The following MRPL32 variants were observed in gnomAD, a reference collection of about 807,000 sequenced individuals.
The protein encoded by MRPL32 is mitochondrial ribosomal protein L32.
In MRPL32, 14 loss-of-function variants were observed where a neutral mutation model predicts 21.7. That is an observed-to-expected ratio of 0.64 (90% CI 0.43 to 1.01). The LOEUF is 1.01. Among genes scored for constraint, MRPL32 ranks in the 50% least tolerant of loss-of-function variants. The pLI is 0.00. For synonymous variants in MRPL32, 83 were observed against 87.7 expected (o/e 0.95, Z 0.30); for missense variants, 211 against 235.9 (o/e 0.89, Z 0.69).
intron 1 of MRPL32, among the ~76,000 whole-genome samples, chr7:42,933,248 G>A (rs991342194): frequency 2.0e-5 from 3 of 152,128 alleles, no homozygotes; most frequent in African/African-American, 4.8e-5. Context: ...AGCTTTCTCA[G>A]GCAGGCACTT....
At chr7:42,933,124 A>G (rs1040403886) in intron 1 of MRPL32, among the ~76,000 whole-genome samples, 1 of 152,170 alleles carries the variant, frequency 6.6e-6, no homozygotes, top group African/African-American at 2.4e-5. Context: ...GTTAGTTGCA[A>G]GGGATACGTA....
rs1431958169 is a variant in MRPL32, at chr7:42,937,836, A to G, written c.*260A>G. 3 of 293,158 alleles carry G rather than the reference A, an allele frequency of 1.0e-5. No homozygotes were observed. Among genetic ancestry groups the G allele is most frequent in the African/African-American group, 6.5e-5 (3 of 46,148 alleles). 18.2% of individuals were successfully genotyped at this position (293,158 alleles called of 1,614,324 possible). A position where few individuals can be genotyped will look rare whatever the true frequency, so the allele number is the denominator to read the frequency against. ...TAAAATTTCCAGAACAAAAATAAAA[A>G]ATTTAAAATTCATAGCAAAAATTCT... is the stretch of plus-strand genomic sequence containing the variant. On this transcript the variant is annotated 3_prime_UTR_variant, in exon 3 of 3. Transcript: ENST00000223324.
At chr7:42,936,570 T>C (rs892273044) in intron 2 of MRPL32, 4 of 152,088 alleles carry the variant, frequency 2.6e-5, no homozygotes, top group African/African-American at 9.6e-5. Flanking sequence ...CTGTTTAGTA[T>C]TTTTCTTTGT....
intron 1 of MRPL32, 117 bp from the exon 2 acceptor site, chr7:42,934,837 AT>A: frequency 1.6e-6 from 1 of 634,302 alleles, no homozygotes; most frequent in South Asian, 4.6e-5. Flanking sequence ...TCTAAATTTT[AT>A]ATATAGTTTT....
intron 1 of MRPL32, among the ~76,000 whole-genome samples, chr7:42,933,037 G>A (rs998317830): frequency 6.6e-6 from 1 of 152,154 alleles, no homozygotes; most frequent in African/African-American, 2.4e-5. Flanking sequence ...CAGAGACTGG[G>A]AGACAAAGGC....
chr7:42,936,703 T>TATAC (rs1252981765), intron 2 of MRPL32: 5 of 150,054 alleles, frequency 3.3e-5, no homozygotes, highest in South Asian at 2.1e-4. Flanking sequence ...TATATATATA[T>TATAC]ACACACACAT....
intron 1 of MRPL32, among the ~76,000 whole-genome samples, chr7:42,933,480 T>TCTTCC (rs1194005636): frequency 7.1e-6 from 1 of 140,412 alleles, no homozygotes; most frequent in Non-Finnish European, 1.5e-5. Flanking sequence ...CCCCCTCTCC[T>TCTTCC]CTTCCCTTCC....
Position 42,935,148 on chromosome 7 carries a change from A to T in MRPL32, c.312+12A>T, listed in dbSNP as rs755119679. 3 of 1,603,068 alleles carry T rather than the reference A, an allele frequency of 1.9e-6. No homozygotes were observed. The highest frequency in any genetic ancestry group is 3.5e-5 in the Admixed American group (2 of 57,956). ...TTATTAAAGTTAAGGTAATGCATTG[A>T]TTTTTGTGGGTGTGCTTTTCCTCAA... On this transcript the variant is annotated intron_variant, in intron 2 of 2. Coordinates refer to ENST00000223324, the MANE Select transcript of MRPL32 (RefSeq NM_031903.3).
Position 42,932,531 on chromosome 7 carries a change from G to C in MRPL32, c.130+15G>C, listed in dbSNP as rs1278892811. On this transcript the variant is annotated intron_variant, in intron 1 of 2. Coordinates refer to ENST00000223324, the MANE Select transcript of MRPL32 (RefSeq NM_031903.3). Reference sequence around the variant, plus strand: ...TCCTCCGTGGGGTAGGTAAAGAAGGGCTCCGTGGGAGAGGGGGCTGATGAC... The same window carrying C: ...TCCTCCGTGGGGTAGGTAAAGAAGGCCTCCGTGGGAGAGGGGGCTGATGAC... 4.4e-6 allele frequency: 7 copies of C among 1,588,308 alleles called. No homozygotes were observed. Among genetic ancestry groups the C allele is most frequent in the South Asian group, 2.2e-5 (2 of 89,918 alleles).
chr7:42,934,855 T>G, intron 1 of MRPL32, 100 bp from the exon 2 acceptor site: 1 of 788,330 alleles, frequency 1.3e-6, no homozygotes, highest in South Asian at 2.9e-5. Flanking sequence ...TTTTTGTGTG[T>G]GTGTATGTTT....
At chr7:42,932,919 G>A (rs1300661971) in intron 1 of MRPL32, among the ~76,000 whole-genome samples, 1 of 152,040 alleles carries the variant, frequency 6.6e-6, no homozygotes, top group Non-Finnish European at 1.5e-5. Flanking sequence ...GGGAGTGTAG[G>A]GGCTCTGTAG....
chr7:42,937,202 A>T (rs1456321667), intron 2 of MRPL32, 120 bp from the exon 3 acceptor site: 2 of 1,586,930 alleles, frequency 1.3e-6, no homozygotes, highest in African/African-American at 2.7e-5. Flanking sequence ...ATGGTGTATG[A>T]TGACCTCATG....
At chr7:42,935,341 A>G in intron 2 of MRPL32, 1 of 426,766 alleles carries the variant, frequency 2.3e-6, no homozygotes, top group Non-Finnish European at 4.1e-6. Context: ...TTAGAAACAC[A>G]GTCAAGGAAG....
rs777497735 is a variant in MRPL32 at position 42,932,406 on chromosome 7, T to C, written c.20T>C (p.Val7Ala). Residue 7 changes from valine (V) to alanine (A), a missense_variant, in exon 1 of 3, where the codon GTC becomes GCC. By Grantham distance (64) the Val-to-Ala change is moderately conservative. Coordinates refer to ENST00000223324, the MANE Select transcript of MRPL32 (RefSeq NM_031903.3). The part of the protein sequence containing the change: MALAML[V>A]LVVSPWSAAR... ...GGGAAAATGGCGCTGGCCATGCTGG[T>C]CTTGGTGGTTTCGCCGTGGTCTGCG... The C allele has an allele frequency of 3.7e-6, 6 of 1,611,238 alleles. No individual in the cohort carries two copies. Among genetic ancestry groups the C allele is most frequent in the Non-Finnish European group, 5.1e-6 (6 of 1,178,280 alleles).
In MRPL32 at chr7:42,937,506, C is replaced by G. The variant is rs773343059; in HGVS notation, c.497C>G (p.Ser166Cys). 3 of 1,614,078 alleles carry G rather than the reference C, an allele frequency of 1.9e-6. No homozygotes were observed. Among genetic ancestry groups the G allele is most frequent in the South Asian group, 2.2e-5 (2 of 91,084 alleles). Residue 166 changes from serine to cysteine, a missense_variant, in exon 3 of 3, where the codon TCT becomes TGT. Physicochemically the swap from Ser to Cys is moderately radical, Grantham distance 112. This residue lies in a region of MRPL32 where 130 missense variants were observed against 180.1 expected (regional missense o/e 0.72). Coordinates refer to ENST00000223324, the MANE Select transcript of MRPL32 (RefSeq NM_031903.3). ...TVVLYTGETP[S>C]EQDQGKRIIE... ...GTGCTGTACACGGGAGAGACACCGT[C>G]TGAACAAGATCAGGGCAAGAGGATC...
chr7:42,936,589 T>C (rs1049364300), intron 2 of MRPL32: 29 of 151,804 alleles, frequency 1.9e-4, no homozygotes, highest in African/African-American at 6.5e-4. Flanking sequence ...GTATTTTCTT[T>C]CAAACCTACA....
intron 2 of MRPL32, chr7:42,937,079 G>C: frequency 3.6e-6 from 3 of 832,822 alleles, no homozygotes; most frequent in Non-Finnish European, 5.7e-6. Context: ...CAACTGCTGT[G>C]TTTAAGTAAA....
At chr7:42,932,858 C>T (rs1189180032) in intron 1 of MRPL32, among the ~76,000 whole-genome samples, 4 of 152,026 alleles carry the variant, frequency 2.6e-5, no homozygotes, top group African/African-American at 7.3e-5. Flanking sequence ...AGCTCCATCC[C>T]GGTTTGTGCA....
rs1285297282 is a variant in MRPL32 at position 42,937,774 on chromosome 7, A to G, written c.*198A>G. The G allele has an allele frequency of 2.1e-6, 1 of 474,196 alleles. No individual in the cohort carries two copies. The highest frequency in any genetic ancestry group is 3.3e-5 in the East Asian group (1 of 30,484). 29.4% of individuals were successfully genotyped at this position (474,196 alleles called of 1,614,324 possible). A position where few individuals can be genotyped will look rare whatever the true frequency, so the allele number is the denominator to read the frequency against. ...TTTTGTTTATCCAAAGGCTCAATGG[A>G]TTATGTTTCTATTATATACAAGGTT... On this transcript the variant is annotated 3_prime_UTR_variant, in exon 3 of 3. Transcript: ENST00000223324.
Sources: gnomAD v4.1 joint callset for allele counts (sites outside exome capture counted in the v4.1 genomes callset) on GRCh38, gnomAD v4.1.1 for gene constraint, gnomAD v4.1.1 regional missense constraint, MANE v1.5 for transcripts, NCBI Gene and HGNC (gene_info 2026-07-23, HGNC 2026-07-21) for gene names.